The following RPS6KA2 variants were observed in gnomAD, a reference collection of about 807,000 sequenced individuals.
The protein encoded by RPS6KA2 is ribosomal protein S6 kinase A2.
Under a neutral mutation model 91.8 loss-of-function variants are expected in RPS6KA2, and 42 were observed. The observed-to-expected ratio is 0.46, with a 90% CI of 0.36 to 0.59. The LOEUF (loss-of-function observed/expected upper bound fraction) is 0.59. RPS6KA2 is among the 20% of genes least tolerant of loss of function. The pLI, the probability that RPS6KA2 is intolerant of heterozygous loss-of-function variation, is 0.00. For synonymous variants in RPS6KA2, 414 were observed against 393.6 expected (o/e 1.05, Z -0.61); for missense variants, 798 against 978.5 (o/e 0.82, Z 2.46).
intron 1 of RPS6KA2, among the ~76,000 whole-genome samples, chr6:166,597,468 G>A (rs1785574642): frequency 6.6e-6 from 1 of 152,232 alleles, no homozygotes; most frequent in South Asian, 2.1e-4. Flanking sequence ...TGGAGCGGGT[G>A]CTGGGCTGCA....
chr6:166,717,464 A>G (rs933748836), intron 2 of RPS6KA2, among the ~76,000 whole-genome samples: 2 of 152,120 alleles, frequency 1.3e-5, no homozygotes, highest in Non-Finnish European at 1.5e-5. Context: ...CCACCCTGAG[A>G]ATGGGAAGAA....
chr6:166,430,518 C>T lies in RPS6KA2; in HGVS notation c.1516G>A (p.Glu506Lys), dbSNP rs1479894219. ...DRILRQRYFS[E>K]REASDVLCTI... ...CACAGGACGTCACTGGCTTCGCGCT[C>T]CGAGAAGTATCTCTGCCGGAGGATG... is the stretch of plus-strand genomic sequence containing the variant. The change falls in exon 16 of 21, where the codon GAG (glutamate) becomes AAG (lysine). Residue 506 changes from glutamate to lysine, a missense_variant. Transcript: ENST00000265678. 6.2e-7 allele frequency: 1 copy of T among 1,614,022 alleles called. No homozygotes were observed.
intron 2 of RPS6KA2, among the ~76,000 whole-genome samples, chr6:166,535,861 GC>G (rs1783461149): frequency 6.6e-6 from 1 of 152,234 alleles, no homozygotes; most frequent in African/African-American, 2.4e-5. Flanking sequence ...TGATGGCTTC[GC>G]CTTGCAGGAC....
At chr6:166,777,825 A>G (rs1195679873) in intron 2 of RPS6KA2, among the ~76,000 whole-genome samples, 3 of 152,080 alleles carry the variant, frequency 2.0e-5, no homozygotes, top group African/African-American at 7.3e-5. Flanking sequence ...AAATGATAGC[A>G]TTTGCAATTG....
chr6:166,567,686 C>T (rs1013629308), intron 1 of RPS6KA2, among the ~76,000 whole-genome samples: 7 of 152,142 alleles, frequency 4.6e-5, no homozygotes, highest in Admixed American at 1.3e-4. Context: ...GCTGGGGTTT[C>T]GAACAGAGCT....
At chr6:166,431,030 C>T (rs1430980286) in intron 15 of RPS6KA2, among the ~76,000 whole-genome samples, 7 of 152,132 alleles carry the variant, frequency 4.6e-5, no homozygotes, top group African/African-American at 1.7e-4. Flanking sequence ...TGGGTTCAAG[C>T]GATTCTCCTG....
intron 16 of RPS6KA2, among the ~76,000 whole-genome samples, chr6:166,430,132 T>TG (rs199935671): frequency 0.018 from 2,742 of 151,694 alleles, 92 homozygotes; most frequent in African/African-American, 0.063. Context: ...TAATTTTTTT[T>TG]TTGTTGTTGT....
In RPS6KA2 at chr6:166,656,148, A is replaced by G. The variant is rs183292685; in HGVS notation, c.124-117364T>C. Among the ~76,000 whole-genome samples, 109 of 152,376 alleles carry G rather than the reference A, an allele frequency of 7.2e-4. 1 individual carries two copies. In the South Asian group the frequency reaches 0.013, roughly 18 times the overall value. Reference sequence around the variant, plus strand: ...AGCTCACCGAGAGCTTCTTATTTACATAAGCCTCAAAAACAGGTAAAACAC... The same window carrying G: ...AGCTCACCGAGAGCTTCTTATTTACGTAAGCCTCAAAAACAGGTAAAACAC... On this transcript the variant is annotated intron_variant, in intron 2 of 21. Coordinates refer to the RPS6KA2 transcript ENST00000503859.
intron 14 of RPS6KA2, among the ~76,000 whole-genome samples, chr6:166,441,656 G>A (rs1363728860): frequency 6.6e-6 from 1 of 152,206 alleles, no homozygotes; most frequent in Non-Finnish European, 1.5e-5. Flanking sequence ...CCGGCCCCGT[G>A]CGGCTCACTG....
rs992688641 is a variant in RPS6KA2 at position 166,493,105 on chromosome 6, C to T, written c.748-2364G>A. ...CCACTGCTTTGTGGTTCTCTCTCTT[C>T]CTCCCCTTCTTCCTCCATCCATATG... On this transcript the variant is annotated intron_variant, in intron 8 of 20. Transcript: ENST00000265678. This position sits in a 1 kb window ranked among gnomAD's most constrained non-coding sequence, Gnocchi z 4.7. Among the ~76,000 whole-genome samples, 1 of 152,070 alleles carries T rather than the reference C, an allele frequency of 6.6e-6. No individual in the cohort carries two copies. The highest frequency in any genetic ancestry group is 2.4e-5 in the African/African-American group (1 of 41,412).
rs750339166 is a variant in RPS6KA2, at chr6:166,418,677, G to A, written c.1821-335C>T. Among the ~76,000 whole-genome samples the A allele has an allele frequency of 1.1e-4, 17 of 152,364 alleles. No homozygotes were observed. The South Asian group carries it at 2.1e-3, about 19-fold the overall frequency. Reference sequence around the variant, plus strand: ...CCACGGTGATGGTGTGGCATCATGCGAGAGAGCCTGAGACGTGGAGTCTGA... The same window carrying A: ...CCACGGTGATGGTGTGGCATCATGCAAGAGAGCCTGAGACGTGGAGTCTGA... On this transcript the variant is annotated intron_variant, in intron 18 of 20. Transcript: ENST00000265678. This position sits in a 1 kb window ranked among gnomAD's most constrained non-coding sequence, Gnocchi z 4.9.
intron 2 of RPS6KA2, among the ~76,000 whole-genome samples, chr6:166,788,118 A>C (rs571521856): frequency 6.6e-6 from 1 of 152,232 alleles, no homozygotes; most frequent in Non-Finnish European, 1.5e-5. Flanking sequence ...TGATTAGGCA[A>C]ATCAAAACCA....
chr6:166,770,952 A>G lies in RPS6KA2; in HGVS notation c.123+87248T>C, dbSNP rs1180518463. The stretch of plus-strand genomic sequence containing the variant: ...AACGAAGAAAGAATTCCTTTAAGTC[A>G]CAGGACGTATTTACAGTCAGCAACT... On this transcript the variant is annotated intron_variant, in intron 2 of 21. Transcript: ENST00000503859. The surrounding 1 kb of genome is among the most constrained non-coding windows in gnomAD (Gnocchi z 5.1). 7 of 1,582,982 alleles carry G rather than the reference A, an allele frequency of 4.4e-6. No homozygotes were observed. The highest frequency in any genetic ancestry group is 5.1e-6 in the Non-Finnish European group (6 of 1,171,380).
intron 12 of RPS6KA2, among the ~76,000 whole-genome samples, chr6:166,458,169 A>C (rs1780163904): frequency 6.6e-6 from 1 of 152,124 alleles, no homozygotes; most frequent in Non-Finnish European, 1.5e-5. Context: ...CCCCACCCAA[A>C]TCTCAGGCTC....
chr6:166,694,933 AC>A (rs1201521587), intron 2 of RPS6KA2, among the ~76,000 whole-genome samples: 1 of 152,254 alleles, frequency 6.6e-6, no homozygotes, highest in African/African-American at 2.4e-5. Context: ...CTATTTGCTT[AC>A]ATAAGTCTGC....
Position 166,500,657 on chromosome 6 carries a change from C to T in RPS6KA2, c.604+230G>A, listed in dbSNP as rs1324850723. 6.6e-6 allele frequency among the ~76,000 whole-genome samples: 1 copy of T among 152,100 alleles called. No individual in the cohort carries two copies. The highest frequency in any genetic ancestry group is 1.5e-5 in the Non-Finnish European group (1 of 68,010). ...AAGGAGCCCAGCAAACAGAACGTGG[C>T]AGGGGAGAGGGAAAAGAAGGGGCCA... is the stretch of plus-strand genomic sequence containing the variant. On this transcript the variant is annotated intron_variant, in intron 7 of 20. Coordinates refer to ENST00000265678, the MANE Select transcript of RPS6KA2 (RefSeq NM_021135.6). This position sits in a 1 kb window ranked among gnomAD's most constrained non-coding sequence, Gnocchi z 4.3.
intron 1 of RPS6KA2, among the ~76,000 whole-genome samples, chr6:166,577,730 T>C (rs955490568): frequency 2.0e-4 from 30 of 152,332 alleles, no homozygotes; most frequent in African/African-American, 7.2e-4. Context: ...GGGTTAATGC[T>C]GAAATAAGTT....
chr6:166,692,498 C>A (rs1264063989), intron 2 of RPS6KA2, among the ~76,000 whole-genome samples: 1 of 152,078 alleles, frequency 6.6e-6, no homozygotes. Context: ...GAGCAGGAAA[C>A]TTTTGCAAGC....
chr6:166,808,157 C>A (rs939193651), intron 2 of RPS6KA2, among the ~76,000 whole-genome samples: 1 of 152,216 alleles, frequency 6.6e-6, no homozygotes, highest in South Asian at 2.1e-4. Flanking sequence ...CTGGACCGGG[C>A]TGGGACAGGT....
Sources: gnomAD v4.1 joint callset for allele counts (sites outside exome capture counted in the v4.1 genomes callset) on GRCh38, gnomAD v4.1.1 for gene constraint, Gnocchi (gnomAD v3.1) non-coding constraint, MANE v1.5 for transcripts, NCBI Gene and HGNC (gene_info 2026-07-23, HGNC 2026-07-21) for gene names.